The following EXOC5 variants were observed in gnomAD, a reference collection of about 807,000 sequenced individuals.
EXOC5 encodes the protein SEC10-like 1.
In EXOC5, 17 loss-of-function variants were observed where a neutral mutation model predicts 90.8. The ratio of observed to expected loss-of-function variants is 0.19; its 90% CI spans 0.13 to 0.28. EXOC5 has a LOEUF of 0.28. Ranked by LOEUF, EXOC5 falls within the 10% of genes least tolerant of loss-of-function variation. EXOC5 has a pLI of 1.00. For missense variants in EXOC5, 569 were observed against 830.6 expected (o/e 0.69, Z 3.87); for synonymous variants, 260 against 270.0 (o/e 0.96, Z 0.36).
chr14:57,252,175 A>T (rs776086108), intron 1 of EXOC5, among the ~76,000 whole-genome samples: 5 of 152,216 alleles, frequency 3.3e-5, no homozygotes, highest in Non-Finnish European at 5.9e-5. Flanking sequence ...CAAAAAACTG[A>T]GGAAGAGGAA....
rs941927432 is a variant in EXOC5 at position 57,231,656 on chromosome 14, A to G, written c.998T>C (p.Phe333Ser). ...AATGGATTTGATAAGCTTAGACAAG[A>G]AAGTCTGTTTATCAGTACCTAAATT... The part of the protein sequence containing the change: ...EFNLGTDKQT[F>S]LSKLIKSIFI... The change falls in exon 11 of 18, where the codon TTC (phenylalanine) becomes TCC (serine). Residue 333 changes from phenylalanine (F) to serine (S), a missense_variant. Coordinates refer to ENST00000621441, the MANE Select transcript of EXOC5 (RefSeq NM_006544.4). 1 of 1,613,362 alleles carries G rather than the reference A, an allele frequency of 6.2e-7. No homozygotes were observed. Among genetic ancestry groups the G allele is most frequent in the Non-Finnish European group, 8.5e-7 (1 of 1,179,538 alleles).
At chr14:57,234,533 GTGTGTATA>G (rs1883594982) in intron 7 of EXOC5, among the ~76,000 whole-genome samples, 1 of 146,746 alleles carries the variant, frequency 6.8e-6, no homozygotes, top group South Asian at 2.1e-4. Flanking sequence ...GTGTGTGTGT[GTGTGTATA>G]TATATATATA....
chr14:57,248,908 T>C (rs1884104676), intron 1 of EXOC5, among the ~76,000 whole-genome samples: 1 of 152,128 alleles, frequency 6.6e-6, no homozygotes, highest in Non-Finnish European at 1.5e-5. Flanking sequence ...GCCTCACTTC[T>C]GTCGAAACAA....
intron 15 of EXOC5, among the ~76,000 whole-genome samples, chr14:57,213,823 A>G (rs1186388074): frequency 6.6e-6 from 1 of 151,428 alleles, no homozygotes. Flanking sequence ...ACAAAAAATT[A>G]GCTGGGCATG....
chr14:57,257,810 C>T (rs1469078346), intron 1 of EXOC5, among the ~76,000 whole-genome samples: 1 of 152,090 alleles, frequency 6.6e-6, no homozygotes, highest in African/African-American at 2.4e-5. Flanking sequence ...TTAACAAATC[C>T]TAAGACCTCC....
At chr14:57,238,228 AC>A (rs1359287436) in intron 5 of EXOC5, among the ~76,000 whole-genome samples, 1 of 110,126 alleles carries the variant, frequency 9.1e-6, no homozygotes, top group Non-Finnish European at 1.8e-5. Context: ...ATATATACAC[AC>A]ACACACACAC....
At chr14:57,221,289 A>C (rs1283122547) in intron 13 of EXOC5, among the ~76,000 whole-genome samples, 1 of 152,216 alleles carries the variant, frequency 6.6e-6, no homozygotes, top group African/African-American at 2.4e-5. Context: ...AGCAGTGAGA[A>C]GAAATGCAAT....
rs1312501582 is a variant in EXOC5, at chr14:57,227,173, G to A, written c.1296+2561C>T. Among the ~76,000 whole-genome samples the A allele has an allele frequency of 3.3e-5, 5 of 151,798 alleles. No individual in the cohort carries two copies. The East Asian group carries it at 7.7e-4, about 23-fold the overall frequency. On this transcript the variant is annotated intron_variant, in intron 12 of 17. Transcript: ENST00000621441. ...ACTTCACCAGAGAGTATATATTGAC[G>A]GCAAATAAGCACATGAAAAGATGCT...
At chr14:57,258,194 T>C (rs1884404757) in intron 1 of EXOC5, among the ~76,000 whole-genome samples, 1 of 152,220 alleles carries the variant, frequency 6.6e-6, no homozygotes, top group Admixed American at 6.6e-5. Context: ...ATCCCATTAC[T>C]GGGTATATAC....
intron 12 of EXOC5, among the ~76,000 whole-genome samples, chr14:57,224,500 T>C (rs1381603109): frequency 2.0e-5 from 3 of 152,168 alleles, no homozygotes; most frequent in African/African-American, 4.8e-5. Flanking sequence ...GCTTAAAACA[T>C]ACAAACTACC....
chr14:57,233,023 G>A (rs1883532727), intron 9 of EXOC5: 2 of 224,802 alleles, frequency 8.9e-6, no homozygotes, highest in East Asian at 1.0e-4. Flanking sequence ...TCTGTGAGGT[G>A]CATCAAAAAA....
At chr14:57,262,459 G>A (rs1166340880) in intron 1 of EXOC5, among the ~76,000 whole-genome samples, 1 of 151,616 alleles carries the variant, frequency 6.6e-6, no homozygotes, top group Non-Finnish European at 1.5e-5. Context: ...CTCTTTCTGA[G>A]TTACTAATTC....
At chr14:57,258,044 T>C (rs1383286268) in intron 1 of EXOC5, among the ~76,000 whole-genome samples, 2 of 152,314 alleles carry the variant, frequency 1.3e-5, no homozygotes, top group East Asian at 1.9e-4. Flanking sequence ...TAATTGGTTG[T>C]TATATTGCTC....
rs113468055 is a variant in EXOC5, at chr14:57,201,073, CT to C, written c.*7535del. 75 of 152,018 alleles carry C rather than the reference CT, an allele frequency of 4.9e-4. 1 individual carries two copies. Among genetic ancestry groups the C allele is most frequent in the African/African-American group, 1.8e-3 (73 of 41,458 alleles). 9.4% of individuals were successfully genotyped at this position (152,018 alleles called of 1,614,324 possible). On this transcript the variant is annotated 3_prime_UTR_variant, in exon 18 of 18. Coordinates refer to ENST00000621441, the MANE Select transcript of EXOC5 (RefSeq NM_006544.4). The stretch of plus-strand genomic sequence containing the variant: ...TGTGTGTATGCACACATAAAGCCCC[CT>C]AGCATTATCTATTGAGAAAGAGTAG...
In EXOC5 at chr14:57,246,750, T is replaced by C; in HGVS notation, c.231A>G (p.Glu77=). 6.2e-7 allele frequency: 1 copy of C among 1,611,312 alleles called. No individual in the cohort carries two copies. Among genetic ancestry groups the C allele is most frequent in the Non-Finnish European group, 8.5e-7 (1 of 1,179,520 alleles). Residue 77 remains glutamate (E), a synonymous_variant, in exon 3 of 18, where the codon GAA becomes GAG. Transcript: ENST00000621441. ...GCAGCTCTTGTACCTTCTTGGCAAA[T>C]TCCTTGGCTTCTTTCTGACATTGTT... is the stretch of plus-strand genomic sequence containing the variant. ...LEQQCQKEAK[E]FAKKVQELQK...
intron 1 of EXOC5, among the ~76,000 whole-genome samples, chr14:57,264,138 G>A (rs1443357934): frequency 2.6e-5 from 4 of 152,174 alleles, no homozygotes; most frequent in Non-Finnish European, 5.9e-5. Context: ...TTCAACGTTT[G>A]CAGAATGAAT....
At chr14:57,244,642 C>T (rs760811816) in intron 3 of EXOC5, among the ~76,000 whole-genome samples, 1 of 152,102 alleles carries the variant, frequency 6.6e-6, no homozygotes, top group Non-Finnish European at 1.5e-5. Context: ...AAACACTCAA[C>T]ACCATTTAGC....
At chr14:57,239,135 T>A (rs1050755786) in intron 5 of EXOC5, among the ~76,000 whole-genome samples, 8 of 152,102 alleles carry the variant, frequency 5.3e-5, no homozygotes, top group African/African-American at 1.9e-4. Flanking sequence ...TATACAATAA[T>A]CTGTGTGTAT....
chr14:57,257,853 A>G (rs1160779469), intron 1 of EXOC5, among the ~76,000 whole-genome samples: 1 of 152,164 alleles, frequency 6.6e-6, no homozygotes, highest in East Asian at 1.9e-4. Flanking sequence ...GACTTCTCAA[A>G]CAATTCCCTG....
Sources: gnomAD v4.1 joint callset for allele counts (sites outside exome capture counted in the v4.1 genomes callset) on GRCh38, gnomAD v4.1.1 for gene constraint, MANE v1.5 for transcripts, NCBI Gene and HGNC (gene_info 2026-07-23, HGNC 2026-07-21) for gene names.